Variants in KIAA0586 observed in about 807,000 individuals in gnomAD.
The protein encoded by KIAA0586 is protein TALPID3.
KIAA0586 carries 144 observed loss-of-function variants against 169.8 expected under a neutral mutation model. The observed-to-expected ratio is 0.85, with a 90% CI of 0.74 to 0.97. The LOEUF is 0.97. Ranked by LOEUF, KIAA0586 falls within the 50% of genes least tolerant of loss-of-function variation. KIAA0586 has a pLI of 0.00. For missense variants in KIAA0586, 1,854 were observed against 1,823.0 expected, an observed-to-expected ratio of 1.02 and a Z score of -0.31; for synonymous variants, 625 against 612.4, an observed-to-expected ratio of 1.02 and a Z score of -0.30.
chr14:58,467,781 T>C lies in KIAA0586; in HGVS notation c.2301T>C (p.Ile767=). 1 of 1,613,842 alleles carries C rather than the reference T, an allele frequency of 6.2e-7. No individual in the cohort carries two copies. Among genetic ancestry groups the C allele is most frequent in the African/African-American group, 1.3e-5 (1 of 75,038 alleles). ...ATACCATGCCACCTGCTGGAGTGAT[T>C]GTCAGCAAGCCACACCCTGTAACTG... ...NSDTMPPAGV[I]VSKPHPVTVT... Residue 767 remains isoleucine (I), a synonymous_variant, in exon 16 of 31, where the codon ATT becomes ATC. Coordinates refer to ENST00000652326, the MANE Select transcript of KIAA0586 (RefSeq NM_001329943.3).
At chr14:58,471,660 C>T (rs1026482292) in intron 17 of KIAA0586, among the ~76,000 whole-genome samples, 8 of 151,724 alleles carry the variant, frequency 5.3e-5, no homozygotes, top group African/African-American at 1.9e-4. Flanking sequence ...TTTTTTTAAC[C>T]TTCTGTTTAT....
intron 14 of KIAA0586, among the ~76,000 whole-genome samples, chr14:58,464,502 C>T (rs1269120192): frequency 6.6e-6 from 1 of 151,422 alleles, no homozygotes; most frequent in Non-Finnish European, 1.5e-5. Flanking sequence ...TAGCCTCTTC[C>T]TTTGCCCGCT....
At chr14:58,444,923 A>G (rs1162352865) in intron 6 of KIAA0586, among the ~76,000 whole-genome samples, 15 of 149,962 alleles carry the variant, frequency 1.0e-4, no homozygotes, top group Middle Eastern at 3.4e-3. Context: ...AGGAAAAAAA[A>G]AAAAAAAAAA....
chr14:58,440,452 C>T (rs1016237025), intron 4 of KIAA0586, among the ~76,000 whole-genome samples: 1 of 152,186 alleles, frequency 6.6e-6, no homozygotes, highest in East Asian at 1.9e-4. Context: ...CTGCCTCAGC[C>T]TCCTGAGTAG....
At chr14:58,480,370 T>G (rs2041951501) in intron 20 of KIAA0586, among the ~76,000 whole-genome samples, 2 of 151,576 alleles carry the variant, frequency 1.3e-5, no homozygotes, top group South Asian at 4.2e-4. Context: ...AAAAACTTCT[T>G]TAAGACCTTC....
At chr14:58,504,663 G>T (rs562603037) in intron 27 of KIAA0586, among the ~76,000 whole-genome samples, 2 of 152,264 alleles carry the variant, frequency 1.3e-5, no homozygotes, top group African/African-American at 4.8e-5. Context: ...TGACTTGAAT[G>T]AAATAATATT....
rs187741663 is a variant in KIAA0586, at chr14:58,454,400, C to A, written c.1253+927C>A. Among the ~76,000 whole-genome samples, 510 of 152,206 alleles carry A rather than the reference C, an allele frequency of 3.4e-3. 4 individuals carry two copies. Among genetic ancestry groups the A allele is most frequent in the African/African-American group, 0.011 (446 of 41,526 alleles). On this transcript the variant is annotated intron_variant, in intron 9 of 30. Transcript: ENST00000652326. ...CATCTATGTAGTCTGATAATTATTA[C>A]TTGATGCAGCTCTTTTAAATCAGAT...
At chr14:58,554,506 AGTTCTTG>A (rs2047232954), downstream of KIAA0586, among the ~76,000 whole-genome samples, 1 of 152,198 alleles carries the variant, frequency 6.6e-6, no homozygotes, top group African/African-American at 2.4e-5. Context: ...GACAAAAAAT[AGTTCTTG>A]GTAGAGTTAT....
chr14:58,546,707 T>TA (rs148104953), intron 30 of KIAA0586, among the ~76,000 whole-genome samples: 1 of 152,296 alleles, frequency 6.6e-6, no homozygotes, highest in East Asian at 1.9e-4. Flanking sequence ...TACATACACT[T>TA]ACGTAGTCAA....
intron 20 of KIAA0586, among the ~76,000 whole-genome samples, chr14:58,481,449 T>TA (rs1172163329): frequency 6.6e-6 from 1 of 152,200 alleles, no homozygotes; most frequent in Non-Finnish European, 1.5e-5. Flanking sequence ...GCAGTAGATG[T>TA]TAATAACTGA....
intron 29 of KIAA0586, among the ~76,000 whole-genome samples, chr14:58,518,140 A>T (rs2044897983): frequency 6.6e-6 from 1 of 152,174 alleles, no homozygotes. Flanking sequence ...TAAGTTTATG[A>T]CACTTTTGCT....
intron 8 of KIAA0586, among the ~76,000 whole-genome samples, chr14:58,451,712 C>G (rs2039403037): frequency 6.6e-6 from 1 of 152,052 alleles, no homozygotes; most frequent in African/African-American, 2.4e-5. Context: ...GAGATGAAGT[C>G]TCGCTCTGTC....
intron 30 of KIAA0586, among the ~76,000 whole-genome samples, chr14:58,546,233 C>T (rs1021027632): frequency 6.6e-6 from 1 of 151,896 alleles, no homozygotes; most frequent in Non-Finnish European, 1.5e-5. Flanking sequence ...TCTTATCTTC[C>T]TCTCTCTTTT....
chr14:58,562,053 A>G, the KIAA0586 span, among the ~76,000 whole-genome samples: 1 of 152,174 alleles, frequency 6.6e-6, no homozygotes, highest in African/African-American at 2.4e-5. Flanking sequence ...GAAAGCATAA[A>G]TCATGTAACC....
At chr14:58,488,917 C>A in intron 24 of KIAA0586, 43 bp downstream of exon 24, 2 of 1,569,908 alleles carry the variant, frequency 1.3e-6, no homozygotes, top group South Asian at 1.1e-5. Flanking sequence ...TTAGATTATG[C>A]TAATTCCCTA....
chr14:58,484,915 TA>T (rs2042320495), intron 21 of KIAA0586, among the ~76,000 whole-genome samples: 13 of 30,718 alleles, frequency 4.2e-4, no homozygotes, highest in African/African-American at 1.5e-3. Context: ...TATATATATA[TA>T]TATATATATT....
At chr14:58,509,609 G>A (rs1018270150) in intron 28 of KIAA0586, among the ~76,000 whole-genome samples, 9 of 152,082 alleles carry the variant, frequency 5.9e-5, no homozygotes, top group African/African-American at 1.9e-4. Context: ...TGTTACGGAT[G>A]AAACCAAAAA....
chr14:58,501,379 A>C (rs1435799495), intron 27 of KIAA0586, among the ~76,000 whole-genome samples: 1 of 152,234 alleles, frequency 6.6e-6, no homozygotes, highest in Non-Finnish European at 1.5e-5. Context: ...TGTCCAGCTA[A>C]ATTTGCAGAA....
rs566772436 is a variant in KIAA0586, at chr14:58,463,110, C to A, written c.2059+1950C>A. Among the ~76,000 whole-genome samples the A allele has an allele frequency of 1.6e-4, 18 of 116,058 alleles. 1 individual carries two copies. The highest frequency in any genetic ancestry group is 5.5e-4 in the African/African-American group (17 of 30,874). 76.1% of individuals were successfully genotyped at this position (116,058 alleles called of 152,430 possible). A position where few individuals can be genotyped will look rare whatever the true frequency, so the allele number is the denominator to read the frequency against. On this transcript the variant is annotated intron_variant, in intron 14 of 30. Transcript: ENST00000652326. ...CACTTCCTCTGTCTGGAGAGCTCTT[C>A]GTTCAGACACTTGCATGGTTCTCTC...
Sources: gnomAD v4.1 joint callset for allele counts (sites outside exome capture counted in the v4.1 genomes callset) on GRCh38, gnomAD v4.1.1 for gene constraint, MANE v1.5 for transcripts, NCBI Gene and HGNC (gene_info 2026-07-23, HGNC 2026-07-21) for gene names.